Variants in JARID2 observed in about 807,000 individuals in gnomAD.
JARID2 encodes protein Jumonji.
Under a neutral mutation model 125.6 loss-of-function variants are expected in JARID2, and 21 were observed. That is an observed-to-expected ratio of 0.17 (90% confidence interval 0.12 to 0.24). The LOEUF is 0.24. Among genes scored for constraint, JARID2 ranks in the 10% least tolerant of loss-of-function variants. The pLI is 1.00. For missense variants in JARID2, 1,303 were observed against 1,639.6 expected (o/e 0.79, Z 3.55); for synonymous variants, 736 against 661.6 (o/e 1.11, Z -1.73).
rs1200556343 is a variant in JARID2, at chr6:15,521,125, T to C, written c.*874T>C. 5.9e-6 allele frequency: 1 copy of C among 169,994 alleles called. No individual in the cohort carries two copies. The highest frequency in any genetic ancestry group is 1.3e-5 in the Non-Finnish European group (1 of 78,102). The allele number at this position is 169,994 out of a possible 1,614,324, so 10.5% of individuals were successfully genotyped here. A position where few individuals can be genotyped will look rare whatever the true frequency, so the allele number is the denominator to read the frequency against. On this transcript the variant is annotated 3_prime_UTR_variant, in exon 18 of 18. Transcript: ENST00000341776. Reference sequence around the variant, plus strand: ...AAGTGATGGAAGCCGTAAGTGCTTCTTTGTCATCGACGTGCAATCTTTCTA... The same window carrying C: ...AAGTGATGGAAGCCGTAAGTGCTTCCTTGTCATCGACGTGCAATCTTTCTA...
At chr6:15,468,273 G>GT (rs1768844198) in intron 4 of JARID2, among the ~76,000 whole-genome samples, 1 of 149,190 alleles carries the variant, frequency 6.7e-6, no homozygotes, top group African/African-American at 2.5e-5. Context: ...CCTTGGAGGT[G>GT]TTTGTTTTTT....
intron 1 of JARID2, among the ~76,000 whole-genome samples, chr6:15,363,009 G>A (rs1214663666): frequency 1.3e-5 from 2 of 152,118 alleles, no homozygotes; most frequent in Non-Finnish European, 2.9e-5. Context: ...TTGTCAAGAA[G>A]ATGATTTAGT....
rs368597292 is a variant in JARID2 at position 15,501,073 on chromosome 6, C to T, written c.2112C>T (p.Tyr704=). Reference sequence around the variant, plus strand: ...AGCTGCAGGAGGCCTACTGCCAGTACCTACTCTCCTACGACTCCCTGTCCC... The same window carrying T: ...AGCTGCAGGAGGCCTACTGCCAGTATCTACTCTCCTACGACTCCCTGTCCC... ...LAKLQEAYCQ[Y]LLSYDSLSPE... Residue 704 remains tyrosine (Y), a synonymous_variant, in exon 8 of 18, where the codon TAC becomes TAT. Coordinates refer to ENST00000341776, the MANE Select transcript of JARID2 (RefSeq NM_004973.4). The T allele has an allele frequency of 5.0e-6, 8 of 1,613,924 alleles. No homozygotes were observed. Among genetic ancestry groups the T allele is most frequent in the Non-Finnish European group, 6.8e-6 (8 of 1,179,800 alleles).
At chr6:15,516,921 T>C (rs1771589765) in intron 16 of JARID2, among the ~76,000 whole-genome samples, 1 of 152,130 alleles carries the variant, frequency 6.6e-6, no homozygotes, top group East Asian at 1.9e-4. Context: ...AACTCAGAGG[T>C]GGTCAGTTAC....
chr6:15,426,290 G>A lies in JARID2; in HGVS notation c.323+15925G>A, dbSNP rs538995079. 1.5e-4 allele frequency among the ~76,000 whole-genome samples: 23 copies of A among 152,276 alleles called. No homozygotes were observed. In the South Asian group the frequency reaches 4.6e-3, roughly 30 times the overall value. ...TCTAGAAGGCTTTGTGTGCTTCAGG[G>A]CATTCTCTTTACCGATGGACTTCAC... On this transcript the variant is annotated intron_variant, in intron 3 of 17. Transcript: ENST00000341776.
chr6:15,496,025 C>G lies in JARID2; in HGVS notation c.907-107C>G, dbSNP rs1228301929. ...CTTATCACACTACAGGCTGCTGGCTCTGTTCATCCCCAGCATCCAGGGTCC... is the reference window on the plus strand; with the variant it reads ...CTTATCACACTACAGGCTGCTGGCTGTGTTCATCCCCAGCATCCAGGGTCC... On this transcript the variant is annotated intron_variant, in intron 6 of 17. Transcript: ENST00000341776. 1.1e-5 allele frequency: 10 copies of G among 874,264 alleles called. No homozygotes were observed. The South Asian group carries it at 1.6e-4, about 14-fold the overall frequency. The allele number at this position is 874,264 out of a possible 1,614,324, so 54.2% of individuals were successfully genotyped here.
At chr6:15,478,559 T>C (rs1217395619) in intron 5 of JARID2, among the ~76,000 whole-genome samples, 1 of 152,008 alleles carries the variant, frequency 6.6e-6, no homozygotes, top group African/African-American at 2.4e-5. Flanking sequence ...TCTCTCGGTG[T>C]GTAGTAAACA....
At chr6:15,468,452 TC>T in intron 4 of JARID2, 89 bp from the exon 5 acceptor site, 1 of 1,192,192 alleles carries the variant, frequency 8.4e-7, no homozygotes. Context: ...CTTTGTTTTT[TC>T]TCCTCGGTTT....
intron 2 of JARID2, among the ~76,000 whole-genome samples, chr6:15,409,302 A>G (rs964572230): frequency 6.6e-6 from 1 of 152,350 alleles, no homozygotes; most frequent in Middle Eastern, 3.4e-3. Context: ...CTTCAAGATC[A>G]AGCACCGTAA....
intron 1 of JARID2, among the ~76,000 whole-genome samples, chr6:15,314,730 CTG>C (rs1378813331): frequency 6.6e-6 from 1 of 152,136 alleles, no homozygotes; most frequent in Non-Finnish European, 1.5e-5. Context: ...GAGGTAGACA[CTG>C]TAGGTTAGGG....
At chr6:15,390,014 TGAG>T (rs1168834188) in intron 2 of JARID2, among the ~76,000 whole-genome samples, 1 of 152,326 alleles carries the variant, frequency 6.6e-6, no homozygotes, top group Non-Finnish European at 1.5e-5. Context: ...ACAACTTAAA[TGAG>T]GAGGGCGGTG....
chr6:15,465,662 C>T (rs1226956899), intron 4 of JARID2, among the ~76,000 whole-genome samples: 1 of 151,616 alleles, frequency 6.6e-6, no homozygotes, highest in Non-Finnish European at 1.5e-5. Context: ...TAAAAAAATC[C>T]TCAACAGATC....
rs1228098428 is a variant in JARID2, at chr6:15,433,923, T to G, written c.324-18083T>G. Among the ~76,000 whole-genome samples, 86 of 22,428 alleles carry G rather than the reference T, an allele frequency of 3.8e-3. No individual in the cohort carries two copies. In the South Asian group the frequency reaches 0.057, roughly 15 times the overall value. The allele number at this position is 22,428 out of a possible 152,430, so 14.7% of individuals were successfully genotyped here. A position where few individuals can be genotyped will look rare whatever the true frequency, so the allele number is the denominator to read the frequency against. ...TTCCAGTAGCCCTCACTCTCCAGGG[T>G]GTGTGTGTGTGTGTGTGTGTGTGTG... On this transcript the variant is annotated intron_variant, in intron 3 of 17. Transcript: ENST00000341776.
intron 12 of JARID2, among the ~76,000 whole-genome samples, chr6:15,508,695 A>C (rs1238346948): frequency 6.6e-6 from 1 of 152,174 alleles, no homozygotes; most frequent in Non-Finnish European, 1.5e-5. Context: ...AAATCTTTTC[A>C]TATGCTTAGT....
At chr6:15,504,805 A>G (rs1319532558) in intron 9 of JARID2, among the ~76,000 whole-genome samples, 1 of 152,092 alleles carries the variant, frequency 6.6e-6, no homozygotes, top group Non-Finnish European at 1.5e-5. Flanking sequence ...AAACACTATA[A>G]TGAAGGTGGG....
At chr6:15,335,796 C>G (rs776473384) in intron 1 of JARID2, among the ~76,000 whole-genome samples, 18 of 152,172 alleles carry the variant, frequency 1.2e-4, no homozygotes, top group Non-Finnish European at 2.5e-4. Context: ...GTATCTCCTC[C>G]TCCAGAGCAT....
At chr6:15,444,743 T>A (rs969786491) in intron 3 of JARID2, among the ~76,000 whole-genome samples, 63 of 150,182 alleles carry the variant, frequency 4.2e-4, no homozygotes, top group Non-Finnish European at 5.2e-4. Context: ...TGATTTTTTT[T>A]TTTTTTTTTT....
At chr6:15,513,989 C>G (rs552364048) in intron 16 of JARID2, among the ~76,000 whole-genome samples, 56 of 152,390 alleles carry the variant, frequency 3.7e-4, no homozygotes, top group African/African-American at 1.3e-3. Flanking sequence ...TTTTCTGGCA[C>G]AGCCACTCCA....
In JARID2 at chr6:15,482,192, C is replaced by T. The variant is rs189141003; in HGVS notation, c.671-5115C>T. ...AAGTGATTTATCACCGAACAGGTGA[C>T]TCCTGTCAGTTTTTATGTGACACAT... On this transcript the variant is annotated intron_variant, in intron 5 of 17. Transcript: ENST00000341776. Among the ~76,000 whole-genome samples the T allele has an allele frequency of 5.1e-3, 780 of 152,350 alleles. 11 individuals are homozygous for T. Among genetic ancestry groups the T allele is most frequent in the African/African-American group, 0.018 (745 of 41,582 alleles).
Sources: gnomAD v4.1 joint callset for allele counts (sites outside exome capture counted in the v4.1 genomes callset) on GRCh38, gnomAD v4.1.1 for gene constraint, MANE v1.5 for transcripts, NCBI Gene and HGNC (gene_info 2026-07-23, HGNC 2026-07-21) for gene names.